The following TCEA1 variants were observed in gnomAD, a reference collection of about 807,000 sequenced individuals.
TCEA1 encodes the protein transcription elongation factor A protein 1.
TCEA1 carries 21 observed loss-of-function variants against 43.8 expected under a neutral mutation model. The ratio of observed to expected loss-of-function variants is 0.48; its 90% CI spans 0.34 to 0.69. The LOEUF (loss-of-function observed/expected upper bound fraction) is 0.69. Ranked by LOEUF, TCEA1 falls within the 30% of genes least tolerant of loss-of-function variation. The pLI is 0.01. For synonymous variants in TCEA1, 104 were observed against 117.5 expected, an observed-to-expected ratio of 0.88 and a Z score of 0.75; for missense variants, 250 against 365.1, an observed-to-expected ratio of 0.68 and a Z score of 2.57.
At chr8:53,987,101 G>T in intron 5 of TCEA1, 76 bp from the exon 6 acceptor site, 2 of 1,204,680 alleles carry the variant, frequency 1.7e-6, no homozygotes, top group Non-Finnish European at 2.4e-6. Flanking sequence ...TAATTAAACT[G>T]CATTCCTATT....
chr8:53,985,175 C>A (rs1275838071), intron 6 of TCEA1, among the ~76,000 whole-genome samples: 1 of 152,066 alleles, frequency 6.6e-6, no homozygotes, highest in Non-Finnish European at 1.5e-5. Flanking sequence ...TGCCACCATG[C>A]CCGGCTAATT....
chr8:53,973,232 G>A (rs1417159518), intron 8 of TCEA1: 9 of 468,150 alleles, frequency 1.9e-5, no homozygotes, highest in Non-Finnish European at 3.2e-5. Flanking sequence ...TCAAGAAAAA[G>A]AAAAGAAAGA....
At position 54,022,013 on chromosome 8, in the gene TCEA1, C is replaced by T. The variant is rs767474040; in HGVS notation, c.63+50G>A. 3.2e-6 allele frequency: 5 copies of T among 1,541,594 alleles called. No homozygotes were observed. In the Admixed American group the frequency reaches 9.9e-5, roughly 30 times the overall value. The stretch of plus-strand genomic sequence containing the variant: ...GAGGGAGGGGGCGGCCCCCTCGGGC[C>T]GGACCGCGGCCCGGCCTCCCTCCCG... On this transcript the variant is annotated intron_variant, in intron 1 of 9. Coordinates refer to ENST00000521604, the MANE Select transcript of TCEA1 (RefSeq NM_006756.4).
intron 1 of TCEA1, among the ~76,000 whole-genome samples, chr8:54,011,830 T>A (rs1322867249): frequency 6.6e-6 from 1 of 152,226 alleles, no homozygotes; most frequent in Non-Finnish European, 1.5e-5. Context: ...TAGCTTTTAT[T>A]CTGGTAACAA....
chr8:54,020,894 T>A (rs1805000537), intron 1 of TCEA1, among the ~76,000 whole-genome samples: 1 of 152,106 alleles, frequency 6.6e-6, no homozygotes, highest in South Asian at 2.1e-4. Context: ...ATTATATAAG[T>A]TTACCTGAGA....
intron 8 of TCEA1, among the ~76,000 whole-genome samples, chr8:53,976,020 T>G (rs1376260445): frequency 2.6e-5 from 4 of 152,172 alleles, no homozygotes; most frequent in African/African-American, 9.6e-5. Flanking sequence ...TGAAGAGAAT[T>G]ACCAGAATCA....
intron 1 of TCEA1, among the ~76,000 whole-genome samples, chr8:54,013,797 T>C (rs1804735094): frequency 6.6e-6 from 1 of 152,108 alleles, no homozygotes; most frequent in South Asian, 2.1e-4. Flanking sequence ...ACAACAAACT[T>C]TGAGTGCTGC....
rs1427626623 is a variant in TCEA1, at chr8:53,967,474, TAATATAC to T, written c.*623_*629del. 1 of 198,706 alleles carries T rather than the reference TAATATAC, an allele frequency of 5.0e-6. No homozygotes were observed. The highest frequency in any genetic ancestry group is 1.0e-5 in the Non-Finnish European group (1 of 96,334). The allele number at this position is 198,706 out of a possible 1,614,324, so 12.3% of individuals were successfully genotyped here. ...TTTCCAAAAATCTATTAAGAACAAG[TAATATAC>T]ATGTACAAGAAATTACAAGAAATGA... On this transcript the variant is annotated 3_prime_UTR_variant, in exon 10 of 10. Coordinates refer to ENST00000521604, the MANE Select transcript of TCEA1 (RefSeq NM_006756.4).
chr8:53,996,168 CAGTGAATT>C (rs1804044871), intron 3 of TCEA1, among the ~76,000 whole-genome samples: 1 of 152,246 alleles, frequency 6.6e-6, no homozygotes, highest in Non-Finnish European at 1.5e-5. Flanking sequence ...TGCTCTGGCA[CAGTGAATT>C]AGTACAATCC....
intron 7 of TCEA1, among the ~76,000 whole-genome samples, chr8:53,980,455 T>C (rs535927680): frequency 6.6e-6 from 1 of 152,272 alleles, no homozygotes; most frequent in Non-Finnish European, 1.5e-5. Context: ...TCCAAAAGCA[T>C]GTGCTCATTT....
At chr8:54,009,442 CTGGATAAAGAAAATTTAA>C (rs1804580054) in intron 2 of TCEA1, among the ~76,000 whole-genome samples, 1 of 151,996 alleles carries the variant, frequency 6.6e-6, no homozygotes, top group African/African-American at 2.4e-5. Flanking sequence ...CAATGAATAA[CTGGATAAAGAAAATTTAA>C]TGTATATACA....
chr8:53,989,224 G>T lies in TCEA1; in HGVS notation c.321-965C>A, dbSNP rs73680394. 5.0e-3 allele frequency among the ~76,000 whole-genome samples: 762 copies of T among 152,288 alleles called. 6 individuals are homozygous for T. The highest frequency in any genetic ancestry group is 0.017 in the African/African-American group (687 of 41,564). On this transcript the variant is annotated intron_variant, in intron 4 of 9. Coordinates refer to ENST00000521604, the MANE Select transcript of TCEA1 (RefSeq NM_006756.4). ...TCACCTCGATATGAACATTTAGGCAGTTTTATAATTTTCCAGTCAACCTAA... is the reference window on the plus strand; with the variant it reads ...TCACCTCGATATGAACATTTAGGCATTTTTATAATTTTCCAGTCAACCTAA...
At chr8:53,978,194 T>C (rs1337528605) in intron 8 of TCEA1, among the ~76,000 whole-genome samples, 1 of 152,078 alleles carries the variant, frequency 6.6e-6, no homozygotes, top group African/African-American at 2.4e-5. Flanking sequence ...AGTCTGGAAA[T>C]TTGGGATCAG....
Position 53,990,228 on chromosome 8 carries a change from C to CT in TCEA1, c.321-1970dup, listed in dbSNP as rs539331604. 7.8e-4 allele frequency among the ~76,000 whole-genome samples: 114 copies of CT among 146,946 alleles called. No individual in the cohort carries two copies. In the South Asian group the frequency reaches 0.011, roughly 14 times the overall value. On this transcript the variant is annotated intron_variant, in intron 4 of 9. Coordinates refer to ENST00000521604, the MANE Select transcript of TCEA1 (RefSeq NM_006756.4). ...AAAAAAAATAATCCAACAAACAAAC[C>CT]TTTTTTTTTTGGTAGAGAAAGGGTC...
intron 1 of TCEA1, among the ~76,000 whole-genome samples, chr8:54,010,724 T>C (rs1804625672): frequency 6.6e-6 from 1 of 152,250 alleles, no homozygotes; most frequent in African/African-American, 2.4e-5. Context: ...GTCTAATGTT[T>C]ACTTAATGTA....
intron 7 of TCEA1, among the ~76,000 whole-genome samples, chr8:53,983,583 G>A (rs1803586088): frequency 6.6e-6 from 1 of 152,152 alleles, no homozygotes; most frequent in African/African-American, 2.4e-5. Flanking sequence ...CAGGAGAATC[G>A]CTTGAACCCG....
At chr8:54,017,335 C>A (rs890943170) in intron 1 of TCEA1, among the ~76,000 whole-genome samples, 6 of 152,206 alleles carry the variant, frequency 3.9e-5, no homozygotes, top group Non-Finnish European at 5.9e-5. Flanking sequence ...TTTTCTTTCA[C>A]CTCTGCAACC....
chr8:53,989,396 C>A (rs1166943733), intron 4 of TCEA1, among the ~76,000 whole-genome samples: 1 of 152,210 alleles, frequency 6.6e-6, no homozygotes, highest in Non-Finnish European at 1.5e-5. Context: ...AAATCATCCA[C>A]CATCCATAGA....
chr8:54,011,408 T>C (rs1177297130), intron 1 of TCEA1, among the ~76,000 whole-genome samples: 1 of 152,220 alleles, frequency 6.6e-6, no homozygotes, highest in Non-Finnish European at 1.5e-5. Flanking sequence ...TCCAATGCTC[T>C]TCACAGTCAT....
Sources: gnomAD v4.1 joint callset for allele counts (sites outside exome capture counted in the v4.1 genomes callset) on GRCh38, gnomAD v4.1.1 for gene constraint, MANE v1.5 for transcripts, NCBI Gene and HGNC (gene_info 2026-07-23, HGNC 2026-07-21) for gene names.